Variants in ZNF90 observed in about 807,000 individuals in gnomAD.
ZNF90 encodes the protein zinc finger protein 90.
A neutral mutation model predicts 12.0 loss-of-function variants in ZNF90; 11 were observed. The observed-to-expected ratio is 0.92, with a 90% CI of 0.58 to 1.52. The LOEUF (loss-of-function observed/expected upper bound fraction) is 1.52. ZNF90 is among the 40% of genes most tolerant of loss of function. The pLI, the probability that ZNF90 is intolerant of heterozygous loss-of-function variation, is 0.00. For missense variants in ZNF90, 765 were observed against 711.5 expected, an observed-to-expected ratio of 1.08 and a Z score of -0.86; for synonymous variants, 232 against 240.1, an observed-to-expected ratio of 0.97 and a Z score of 0.31.
intron 3 of ZNF90, among the ~76,000 whole-genome samples, chr19:20,114,018 C>T (rs919604123): frequency 2.6e-5 from 4 of 151,980 alleles, no homozygotes. Context: ...CTAGGCCGGG[C>T]GGGGTGGCTT....
chr19:20,116,907 G>A (rs1297014319), intron 3 of ZNF90, among the ~76,000 whole-genome samples: 1 of 151,428 alleles, frequency 6.6e-6, no homozygotes, highest in African/African-American at 2.4e-5. Flanking sequence ...TTTATGTCAT[G>A]GGAGACATTA....
rs555141096 is a variant in ZNF90 at position 20,117,052 on chromosome 19, A to T, written c.227-729A>T. Among the ~76,000 whole-genome samples, 1,087 of 113,062 alleles carry T rather than the reference A, an allele frequency of 9.6e-3. 6 individuals are homozygous for T. Among genetic ancestry groups the T allele is most frequent in the African/African-American group, 0.049 (986 of 20,044 alleles). 74.2% of individuals were successfully genotyped at this position (113,062 alleles called of 152,430 possible). A position where few individuals can be genotyped will look rare whatever the true frequency, so the allele number is the denominator to read the frequency against. ...GTGTGTGTGTGTGTGTGTGTGAGAG[A>T]GAGAGAGAGAGACAGAATGTCATTC... is the stretch of plus-strand genomic sequence containing the variant. On this transcript the variant is annotated intron_variant, in intron 3 of 3. Transcript: ENST00000418063.
intron 3 of ZNF90, among the ~76,000 whole-genome samples, chr19:20,116,239 C>T (rs2089136274): frequency 1.3e-5 from 2 of 152,028 alleles, no homozygotes; most frequent in African/African-American, 2.4e-5. Flanking sequence ...GTACAATCTC[C>T]ACTCACTGCA....
chr19:20,108,210 C>G (rs113384916), intron 3 of ZNF90, among the ~76,000 whole-genome samples: 13 of 152,240 alleles, frequency 8.5e-5, no homozygotes, highest in African/African-American at 2.9e-4. Flanking sequence ...TGCATATTCT[C>G]TGAAATTTTA....
chr19:20,108,229 G>A (rs959069246), intron 3 of ZNF90, among the ~76,000 whole-genome samples: 1 of 152,114 alleles, frequency 6.6e-6, no homozygotes, highest in Admixed American at 6.5e-5. Flanking sequence ...TACTGCCACA[G>A]AGTGCATGCC....
chr19:20,105,095 T>A (rs1026654935), intron 2 of ZNF90, 126 bp from the exon 3 acceptor site: 2 of 519,740 alleles, frequency 3.8e-6, no homozygotes, highest in Non-Finnish European at 6.0e-6. Flanking sequence ...TCTTTTGAAA[T>A]TTTTTTTATA....
rs1555705901 is a variant in ZNF90, at chr19:20,118,078, G to A, written c.524G>A (p.Cys175Tyr). The A allele has an allele frequency of 1.9e-6, 3 of 1,613,298 alleles. No homozygotes were observed. Among genetic ancestry groups the A allele is most frequent in the Non-Finnish European group, 2.5e-6 (3 of 1,179,532 alleles). ...GATACTGGAAAAAAACCTTTCAAAT[G>A]TATAGAATGTGGCAAAGCTTTCAAC... ...IRDTGKKPFK[C>Y]IECGKAFNQS... The change falls in exon 4 of 4, where the codon TGT becomes TAT. Residue 175 changes from cysteine (C) to tyrosine (Y), a missense_variant. By Grantham distance (194) the Cys-to-Tyr change is radical. Transcript: ENST00000418063.
Position 20,106,965 on chromosome 19 carries a change from A to G in ZNF90, c.226+1649A>G, listed in dbSNP as rs782284240. On this transcript the variant is annotated intron_variant, in intron 3 of 3. Coordinates refer to ENST00000418063, the MANE Select transcript of ZNF90 (RefSeq NM_007138.2). ...TTGGACAGGCTGAATATCCTTCAGG[A>G]CTTTGCTCTGTAGGGCAGACACTAG... The G allele has an allele frequency of 1.5e-5, 7 of 454,372 alleles. No homozygotes were observed. In the Admixed American group the frequency reaches 1.6e-4, roughly 11 times the overall value. 28.1% of individuals were successfully genotyped at this position (454,372 alleles called of 1,614,324 possible). A position where few individuals can be genotyped will look rare whatever the true frequency, so the allele number is the denominator to read the frequency against.
At chr19:20,096,782 C>G (rs1281830715) in intron 1 of ZNF90, among the ~76,000 whole-genome samples, 1 of 152,176 alleles carries the variant, frequency 6.6e-6, no homozygotes, top group African/African-American at 2.4e-5. Context: ...AGGCCTGACA[C>G]TAGCAACCAG....
intron 3 of ZNF90, among the ~76,000 whole-genome samples, chr19:20,116,856 C>A (rs956810019): frequency 6.6e-6 from 1 of 151,952 alleles, no homozygotes; most frequent in Admixed American, 6.6e-5. Context: ...TCAGTAGACT[C>A]AAACTGTCAT....
chr19:20,105,567 G>GTCCT (rs2089029261), intron 3 of ZNF90, among the ~76,000 whole-genome samples: 1 of 152,154 alleles, frequency 6.6e-6, no homozygotes, highest in Non-Finnish European at 1.5e-5. Flanking sequence ...GAGAGCCAGA[G>GTCCT]TCCTCTTCAT....
chr19:20,085,606 TC>T (rs1555701959), intron 1 of ZNF90, among the ~76,000 whole-genome samples: 2 of 152,188 alleles, frequency 1.3e-5, no homozygotes, highest in African/African-American at 4.8e-5. Flanking sequence ...AATATCTTTC[TC>T]TCTTTTGGTT....
At chr19:20,105,563 C>A (rs782495926) in intron 3 of ZNF90, among the ~76,000 whole-genome samples, 1 of 152,164 alleles carries the variant, frequency 6.6e-6, no homozygotes, top group Non-Finnish European at 1.5e-5. Flanking sequence ...CAGTGAGAGC[C>A]AGAGTCCTCT....
chr19:20,109,755 G>A (rs1485020349), intron 3 of ZNF90, among the ~76,000 whole-genome samples: 3 of 151,862 alleles, frequency 2.0e-5, no homozygotes, highest in Non-Finnish European at 4.4e-5. Context: ...GTGTGCAGCT[G>A]TGGTCCCAGC....
chr19:20,105,641 C>T (rs1555704327), intron 3 of ZNF90, among the ~76,000 whole-genome samples: 1 of 152,188 alleles, frequency 6.6e-6, no homozygotes, highest in East Asian at 1.9e-4. Flanking sequence ...GAAATATCTG[C>T]ATGACTTTGA....
intron 3 of ZNF90, among the ~76,000 whole-genome samples, chr19:20,113,873 T>C (rs890964110): frequency 6.6e-6 from 1 of 152,304 alleles, no homozygotes; most frequent in East Asian, 1.9e-4. Flanking sequence ...GAATCTATCT[T>C]ATTTTTGTGT....
intron 3 of ZNF90, among the ~76,000 whole-genome samples, chr19:20,114,149 A>G (rs2089116171): frequency 6.6e-6 from 1 of 151,992 alleles, no homozygotes; most frequent in Non-Finnish European, 1.5e-5. Context: ...AAATTAGCCA[A>G]GTGTGTTGGC....
chr19:20,112,830 A>G (rs1555705278), intron 3 of ZNF90, among the ~76,000 whole-genome samples: 1 of 151,766 alleles, frequency 6.6e-6, no homozygotes, highest in Non-Finnish European at 1.5e-5. Context: ...CTTTTTCCCT[A>G]TATTCTAAGA....
Position 20,081,985 on chromosome 19 carries a change from C to T in ZNF90, c.3+3850C>T, listed in dbSNP as rs1026434776. Among the ~76,000 whole-genome samples the T allele has an allele frequency of 4.6e-5, 7 of 151,942 alleles. No individual in the cohort carries two copies. In the Middle Eastern group the frequency reaches 0.014, roughly 295 times the overall value. On this transcript the variant is annotated intron_variant, in intron 1 of 3. Transcript: ENST00000418063. ...TTCACCATGTTAGCCAGGAGGGTCT[C>T]GATCTCCTGACCTCGTGATCCACCC...
Sources: gnomAD v4.1 joint callset for allele counts (sites outside exome capture counted in the v4.1 genomes callset) on GRCh38, gnomAD v4.1.1 for gene constraint, MANE v1.5 for transcripts, NCBI Gene and HGNC (gene_info 2026-07-23, HGNC 2026-07-21) for gene names.